The following ADAMTSL1 variants were observed in gnomAD, a reference collection of about 807,000 sequenced individuals.
ADAMTSL1 encodes the protein ADAMTS like 1, also known as ADAMTS-like protein 1.
ADAMTSL1 carries 126 observed loss-of-function variants against 201.8 expected under a neutral mutation model. The ratio of observed to expected loss-of-function variants is 0.62; its 90% CI spans 0.54 to 0.72. The LOEUF (loss-of-function observed/expected upper bound fraction) is 0.72, where lower values mean the gene tolerates loss of function less well. Among genes scored for constraint, ADAMTSL1 ranks in the 30% least tolerant of loss-of-function variants. The probability of loss-of-function intolerance (pLI) is 0.00; values close to 1 mark genes in which losing one functional copy is unlikely to be tolerated. For missense variants in ADAMTSL1, 2,679 were observed against 2,277.8 expected (o/e 1.18, Z -3.59); for synonymous variants, 1,121 against 903.4 (o/e 1.24, Z -4.32).
intron 2 of ADAMTSL1, among the ~76,000 whole-genome samples, chr9:18,164,312 G>A (rs1827538688): frequency 6.6e-6 from 1 of 151,896 alleles, no homozygotes; most frequent in Non-Finnish European, 1.5e-5. Context: ...AAGGAATAAG[G>A]AGATTTATAT....
chr9:17,961,252 A>G (rs994155352), intron 1 of ADAMTSL1, among the ~76,000 whole-genome samples: 1 of 151,724 alleles, frequency 6.6e-6, no homozygotes, highest in African/African-American at 2.4e-5. Flanking sequence ...TGTGATTATT[A>G]TTATTATTTT....
chr9:18,666,668 A>G (rs1261416054), intron 9 of ADAMTSL1, among the ~76,000 whole-genome samples: 1 of 152,186 alleles, frequency 6.6e-6, no homozygotes, highest in Non-Finnish European at 1.5e-5. Flanking sequence ...GAATTTGTGC[A>G]ATGATGTGTG....
At chr9:18,590,850 A>C (rs1402972923) in intron 4 of ADAMTSL1, among the ~76,000 whole-genome samples, 1 of 152,000 alleles carries the variant, frequency 6.6e-6, no homozygotes, top group Non-Finnish European at 1.5e-5. Flanking sequence ...TAGTTTTGAA[A>C]GTTATTGATT....
chr9:18,619,412 GA>G (rs71304879), intron 4 of ADAMTSL1, among the ~76,000 whole-genome samples: 32 of 146,772 alleles, frequency 2.2e-4, no homozygotes, highest in South Asian at 1.3e-3. Flanking sequence ...AGAAAAGGAA[GA>G]AAAAAAAAAC....
chr9:17,964,910 G>T (rs971130157), intron 1 of ADAMTSL1, among the ~76,000 whole-genome samples: 4 of 151,730 alleles, frequency 2.6e-5, no homozygotes, highest in African/African-American at 9.7e-5. Context: ...TTGCTCTGTC[G>T]CCCAGGCTAG....
At chr9:17,964,934 G>C (rs1191996746) in intron 1 of ADAMTSL1, among the ~76,000 whole-genome samples, 1 of 152,004 alleles carries the variant, frequency 6.6e-6, no homozygotes, top group African/African-American at 2.4e-5. Flanking sequence ...GCAGTGGCGT[G>C]ATCTTGGCTC....
chr9:18,454,223 G>T (rs1001656065), intron 2 of ADAMTSL1, among the ~76,000 whole-genome samples: 3 of 152,212 alleles, frequency 2.0e-5, no homozygotes, highest in Non-Finnish European at 1.5e-5. Flanking sequence ...GGCTGATGGT[G>T]TAAATCATAT....
intron 5 of ADAMTSL1, among the ~76,000 whole-genome samples, chr9:18,623,243 CAA>C (rs11313686): frequency 1.1e-3 from 149 of 140,726 alleles, no homozygotes; most frequent in African/African-American, 2.2e-3. Context: ...TCAATACTAG[CAA>C]AAAAAAAAAA....
intron 2 of ADAMTSL1, among the ~76,000 whole-genome samples, chr9:18,333,423 G>T (rs1835109917): frequency 1.3e-5 from 2 of 152,086 alleles, no homozygotes; most frequent in African/African-American, 4.8e-5. Flanking sequence ...CACTATGATT[G>T]TAAGTTTCCT....
intron 1 of ADAMTSL1, among the ~76,000 whole-genome samples, chr9:18,501,649 T>C (rs1822852841): frequency 6.6e-6 from 1 of 152,168 alleles, no homozygotes; most frequent in Admixed American, 6.5e-5. Flanking sequence ...CAGAAAGGCA[T>C]CTCTAAAAAG....
Position 18,283,916 on chromosome 9 carries a change from T to TAAAAAAAAAAAAAAAAAAAAAAA in ADAMTSL1, c.207+119949_207+119950insAAAAAAAAAAAAAAAAAAAAAAA, listed in dbSNP as rs71333034. 1.8e-3 allele frequency among the ~76,000 whole-genome samples: 47 copies of TAAAAAAAAAAAAAAAAAAAAAAA among 26,486 alleles called. 2 individuals carry two copies. Among genetic ancestry groups the TAAAAAAAAAAAAAAAAAAAAAAA allele is most frequent in the Non-Finnish European group, 2.0e-3 (28 of 13,820 alleles). 17.4% of individuals were successfully genotyped at this position (26,486 alleles called of 152,430 possible). On this transcript the variant is annotated intron_variant, in intron 2 of 29. Coordinates refer to the ADAMTSL1 transcript ENST00000680146. ...CTGGGCAACAGAGCAAGACTCCGTCTAAAAAAAAAAAAAAGAAGAAGAAGA... is the reference window on the plus strand; with the variant it reads ...CTGGGCAACAGAGCAAGACTCCGTCTAAAAAAAAAAAAAAAAAAAAAAAAAAAAAAAAAAAAAGAAGAAGAAGA...
intron 2 of ADAMTSL1, among the ~76,000 whole-genome samples, chr9:18,436,931 C>A (rs1050922400): frequency 2.6e-5 from 4 of 152,112 alleles, no homozygotes; most frequent in African/African-American, 9.7e-5. Flanking sequence ...AAAGTTGACC[C>A]ACCATAAAGT....
chr9:18,718,560 C>T (rs1587975179), intron 14 of ADAMTSL1: 4 of 469,104 alleles, frequency 8.5e-6, no homozygotes, highest in Admixed American at 7.0e-5. Context: ...GTACCTCTCA[C>T]GCTGTCACCG....
intron 2 of ADAMTSL1, among the ~76,000 whole-genome samples, chr9:18,344,930 C>T (rs1270520798): frequency 6.6e-6 from 1 of 152,178 alleles, no homozygotes. Flanking sequence ...TTAAGCAGAG[C>T]TCCCCTCGGG....
intron 2 of ADAMTSL1, among the ~76,000 whole-genome samples, chr9:18,299,343 T>C (rs1293039941): frequency 6.6e-6 from 1 of 152,202 alleles, no homozygotes; most frequent in African/African-American, 2.4e-5. Context: ...GCAGAGAAAA[T>C]ACTTTATCAC....
At chr9:17,993,827 A>T in intron 1 of ADAMTSL1, among the ~76,000 whole-genome samples, 1 of 152,162 alleles carries the variant, frequency 6.6e-6, no homozygotes, top group East Asian at 1.9e-4. Context: ...GATTAAAACT[A>T]TACATCCATC....
intron 2 of ADAMTSL1, among the ~76,000 whole-genome samples, chr9:18,409,469 C>T (rs1355672652): frequency 6.6e-6 from 1 of 150,910 alleles, no homozygotes; most frequent in African/African-American, 2.4e-5. Flanking sequence ...GATCCCACAA[C>T]CTAATCAAAA....
chr9:18,131,912 G>C (rs1009967188), intron 1 of ADAMTSL1, among the ~76,000 whole-genome samples: 1 of 134,772 alleles, frequency 7.4e-6, no homozygotes, highest in Non-Finnish European at 1.7e-5. Context: ...TAGTGAGGAG[G>C]TCACTTCCTT....
intron 2 of ADAMTSL1, among the ~76,000 whole-genome samples, chr9:18,349,869 C>T (rs954573366): frequency 3.3e-5 from 5 of 151,168 alleles, no homozygotes; most frequent in Admixed American, 6.6e-5. Context: ...TGGAAGCACA[C>T]GTCTGTTAGT....
Sources: allele counts gnomAD v4.1 joint callset (sites outside exome capture counted in the v4.1 genomes callset), GRCh38; gene constraint gnomAD v4.1.1; transcripts MANE v1.5; gene names NCBI Gene and HGNC (gene_info 2026-07-23, HGNC 2026-07-21).